MAEA: variants seen among roughly 807,000 people sequenced by gnomAD.
MAEA encodes E3 ubiquitin-protein transferase MAEA.
A neutral mutation model predicts 46.2 loss-of-function variants in MAEA; 22 were observed. That is an observed-to-expected ratio of 0.48 (90% CI 0.34 to 0.68). The LOEUF (loss-of-function observed/expected upper bound fraction) is 0.68, where lower values mean the gene tolerates loss of function less well. MAEA is among the 30% of genes least tolerant of loss of function. MAEA has a pLI of 0.01. For synonymous variants in MAEA, 246 were observed against 222.6 expected, an observed-to-expected ratio of 1.11 and a Z score of -0.94; for missense variants, 393 against 558.1, an observed-to-expected ratio of 0.70 and a Z score of 2.98.
At chr4:1,322,333 G>T (rs1473094195) in intron 3 of MAEA, 48 bp from the exon 4 acceptor site, 1 of 1,603,060 alleles carries the variant, frequency 6.2e-7, no homozygotes, top group East Asian at 2.2e-5. Flanking sequence ...GTGGCATGGG[G>T]GCCTTGAGCC....
intron 3 of MAEA, among the ~76,000 whole-genome samples, chr4:1,316,583 C>T (rs1468905276): frequency 6.6e-6 from 1 of 152,046 alleles, no homozygotes; most frequent in Non-Finnish European, 1.5e-5. Context: ...GGCCTCCCTC[C>T]CATGCTGCTC....
intron 6 of MAEA, among the ~76,000 whole-genome samples, chr4:1,333,708 T>A (rs4298091): frequency 6.1e-5 from 3 of 49,438 alleles, no homozygotes; most frequent in African/African-American, 8.9e-5. Context: ...GCTCACCCCC[T>A]TGCCCACCCC....
chr4:1,318,734 G>T (rs1372297910), intron 3 of MAEA, among the ~76,000 whole-genome samples: 1 of 152,164 alleles, frequency 6.6e-6, no homozygotes, highest in East Asian at 1.9e-4. Flanking sequence ...CGGCTGCGCT[G>T]GTCAGACCTG....
intron 7 of MAEA, chr4:1,338,155 G>T (rs772542455): frequency 4.6e-6 from 2 of 430,152 alleles, no homozygotes; most frequent in East Asian, 3.8e-5. Context: ...AGAGGGCGGC[G>T]GGCGACGGAG....
intron 4 of MAEA, among the ~76,000 whole-genome samples, chr4:1,326,102 T>G (rs1160977827): frequency 6.6e-6 from 1 of 152,140 alleles, no homozygotes; most frequent in Admixed American, 6.5e-5. Flanking sequence ...GCCACTGCTG[T>G]GGGTGCTATG....
chr4:1,326,431 T>C (rs763329260), intron 4 of MAEA, among the ~76,000 whole-genome samples: 1 of 152,216 alleles, frequency 6.6e-6, no homozygotes, highest in Non-Finnish European at 1.5e-5. Flanking sequence ...GACATGTCAC[T>C]TCCGTAGAAT....
chr4:1,289,915 T>TGGCGGTGCAGGAGTC lies in MAEA; in HGVS notation c.8_22dup (p.Val3_Ala7dup). The TGGCGGTGCAGGAGTC allele has an allele frequency of 6.3e-7, 1 of 1,598,660 alleles. No homozygotes were observed. Among genetic ancestry groups the TGGCGGTGCAGGAGTC allele is most frequent in the Middle Eastern group, 1.7e-4 (1 of 5,930 alleles). The stretch of plus-strand genomic sequence containing the variant: ...CGCTAATGTTTTGGCCGCTTCAAGA[T>TGGCGGTGCAGGAGTC]GGCGGTGCAGGAGTCGGCGGCTCAG... On this transcript the variant is annotated inframe_insertion, in exon 1 of 9. Transcript: ENST00000303400.
intron 3 of MAEA, among the ~76,000 whole-genome samples, chr4:1,317,058 GACTCA>G: frequency 1.1e-5 from 1 of 88,976 alleles, no homozygotes; most frequent in Non-Finnish European, 2.3e-5. Context: ...CCACACTCCA[GACTCA>G]CCCCCAGGCC....
At chr4:1,307,619 G>A (rs1204942868) in intron 1 of MAEA, among the ~76,000 whole-genome samples, 1 of 152,212 alleles carries the variant, frequency 6.6e-6, no homozygotes, top group African/African-American at 2.4e-5. Context: ...TGATTACAGA[G>A]GCTGAGTCCC....
intron 1 of MAEA, among the ~76,000 whole-genome samples, chr4:1,293,629 A>C (rs994259913): frequency 6.6e-6 from 1 of 151,848 alleles, no homozygotes; most frequent in Non-Finnish European, 1.5e-5. Flanking sequence ...ACCTGGGCCC[A>C]CCTCTCCTCT....
Position 1,311,247 on chromosome 4 carries a change from G to A in MAEA, c.70-732G>A, listed in dbSNP as rs1056146180. On this transcript the variant is annotated intron_variant, in intron 1 of 8. Transcript: ENST00000303400. This position sits in a 1 kb window ranked among gnomAD's most constrained non-coding sequence, Gnocchi z 4.4. Reference sequence around the variant, plus strand: ...ACCGCAGGTGGTGTTTCCTGCGGGAGCCCGGCCACGGAGGCCGGGGAGCGC... The same window carrying A: ...ACCGCAGGTGGTGTTTCCTGCGGGAACCCGGCCACGGAGGCCGGGGAGCGC... 1.3e-5 allele frequency among the ~76,000 whole-genome samples: 2 copies of A among 152,230 alleles called. No individual in the cohort carries two copies. The highest frequency in any genetic ancestry group is 2.9e-5 in the Non-Finnish European group (2 of 68,038).
chr4:1,305,326 A>T (rs940514641), intron 1 of MAEA, among the ~76,000 whole-genome samples: 2 of 152,168 alleles, frequency 1.3e-5, no homozygotes, highest in Admixed American at 1.3e-4. Context: ...GTGCCTTGTG[A>T]GTGGAGCCTG....
In MAEA at chr4:1,329,939, G is replaced by A. The variant is rs924300402; in HGVS notation, c.656+2236G>A. 7.1e-6 allele frequency: 7 copies of A among 985,396 alleles called. No homozygotes were observed. The Admixed American group carries it at 1.8e-4, about 26-fold the overall frequency. 61.0% of individuals were successfully genotyped at this position (985,396 alleles called of 1,614,324 possible). A position where few individuals can be genotyped will look rare whatever the true frequency, so the allele number is the denominator to read the frequency against. On this transcript the variant is annotated intron_variant, in intron 5 of 8. Coordinates refer to ENST00000303400, the MANE Select transcript of MAEA (RefSeq NM_001017405.3). ...CTCACGGTCCACATGGCGCTGGAGCGTCGGGCACCATCTACAGGGCTTGAG... is the reference window on the plus strand; with the variant it reads ...CTCACGGTCCACATGGCGCTGGAGCATCGGGCACCATCTACAGGGCTTGAG...
intron 4 of MAEA, among the ~76,000 whole-genome samples, chr4:1,327,286 T>C (rs988425622): frequency 8.5e-5 from 13 of 152,328 alleles, no homozygotes; most frequent in Middle Eastern, 3.4e-3. Context: ...GGTTGGTGCC[T>C]TTGCTCCAGC....
rs1188296783 is a variant in MAEA, at chr4:1,340,048, G to A, written c.*879G>A. On this transcript the variant is annotated 3_prime_UTR_variant, in exon 9 of 9. Transcript: ENST00000303400. The stretch of plus-strand genomic sequence containing the variant: ...ACAGAGAACCGTATCGTAGAGGTTT[G>A]TAGTTAGTGCTTATTTTTGCATGTT... The A allele has an allele frequency of 6.5e-6, 1 of 152,700 alleles. No individual in the cohort carries two copies. The highest frequency in any genetic ancestry group is 1.5e-5 in the Non-Finnish European group (1 of 68,050). 9.5% of individuals were successfully genotyped at this position (152,700 alleles called of 1,614,324 possible). A position where few individuals can be genotyped will look rare whatever the true frequency, so the allele number is the denominator to read the frequency against.
chr4:1,325,928 C>T (rs1177801650), intron 4 of MAEA, among the ~76,000 whole-genome samples: 1 of 152,180 alleles, frequency 6.6e-6, no homozygotes, highest in Non-Finnish European at 1.5e-5. Flanking sequence ...CCTGTGAGTT[C>T]TGCGTCCAGC....
chr4:1,338,171 C>G lies in MAEA; in HGVS notation c.900-251C>G, dbSNP rs534931796. On this transcript the variant is annotated intron_variant, in intron 7 of 8. Coordinates refer to ENST00000303400, the MANE Select transcript of MAEA (RefSeq NM_001017405.3). ...GAGGGCGGCGGGCGACGGAGCCACT[C>G]TGTGCCTGTGGTCCTGGTGCTGGAG... The G allele has an allele frequency of 6.1e-5, 29 of 473,400 alleles. No individual in the cohort carries two copies. The East Asian group carries it at 7.0e-4, about 11-fold the overall frequency. The allele number at this position is 473,400 out of a possible 1,614,324, so 29.3% of individuals were successfully genotyped here. A position where few individuals can be genotyped will look rare whatever the true frequency, so the allele number is the denominator to read the frequency against.
chr4:1,325,475 G>GA (rs1351657175), intron 4 of MAEA, among the ~76,000 whole-genome samples: 3 of 152,216 alleles, frequency 2.0e-5, no homozygotes, highest in African/African-American at 7.2e-5. Flanking sequence ...TGGACCAATT[G>GA]AAAGTAACCT....
At chr4:1,297,863 T>C in intron 1 of MAEA, 2 of 396,380 alleles carry the variant, frequency 5.0e-6, no homozygotes, top group South Asian at 3.6e-5. Flanking sequence ...CTCATCTGGC[T>C]GTGGTCAGCC....
Sources: allele counts gnomAD v4.1 joint callset (sites outside exome capture counted in the v4.1 genomes callset), GRCh38; gene constraint gnomAD v4.1.1; non-coding constraint Gnocchi (gnomAD v3.1); transcripts MANE v1.5; gene names NCBI Gene and HGNC (gene_info 2026-07-23, HGNC 2026-07-21).